KITLG: variants seen among roughly 807,000 people sequenced by gnomAD.
KITLG encodes the protein c-Kit ligand.
In KITLG, 13 loss-of-function variants were observed where a neutral mutation model predicts 34.1. The ratio of observed to expected loss-of-function variants is 0.38; its 90% confidence interval spans 0.25 to 0.61. The LOEUF (loss-of-function observed/expected upper bound fraction) is 0.61. Ranked by LOEUF, KITLG falls within the 20% of genes least tolerant of loss-of-function variation. The probability of loss-of-function intolerance (pLI) is 0.60; values close to 1 mark genes in which losing one functional copy is unlikely to be tolerated. For synonymous variants in KITLG, 110 were observed against 104.0 expected, an observed-to-expected ratio of 1.06 and a Z score of -0.35; for missense variants, 292 against 318.9, an observed-to-expected ratio of 0.92 and a Z score of 0.64.
chr12:88,507,087 C>T lies in KITLG; in HGVS notation c.655G>A (p.Ala219Thr), dbSNP rs1339963077. Residue 219 changes from alanine to threonine, a missense_variant, in exon 7 of 10, where the codon GCA becomes ACA. Ala to Thr is a moderately conservative substitution (Grantham distance 58). Transcript: ENST00000644744. ...ATAAGAGAAAACAATGCTGGCAATGCCATGGCTGCCCAGTGTAGGCTGGAG... is the reference window on the plus strand; with the variant it reads ...ATAAGAGAAAACAATGCTGGCAATGTCATGGCTGCCCAGTGTAGGCTGGAG... ...GDSSLHWAAM[A>T]LPALFSLIIG... 3 of 1,613,832 alleles carry T rather than the reference C, an allele frequency of 1.9e-6. No individual in the cohort carries two copies. The highest frequency in any genetic ancestry group is 8.5e-7 in the Non-Finnish European group (1 of 1,179,782).
At position 88,494,055 on chromosome 12, in the gene KITLG, G is replaced by A. The variant is rs1868512376; in HGVS notation, c.*3164C>T. On this transcript the variant is annotated 3_prime_UTR_variant, in exon 10 of 10. Transcript: ENST00000644744. Reference sequence around the variant, plus strand: ...TTTTGTCTTCTTTGTCGGTCATATTGCAATAGGACTCACCCCTAAGGAGTG... The same window carrying A: ...TTTTGTCTTCTTTGTCGGTCATATTACAATAGGACTCACCCCTAAGGAGTG... 1 of 151,710 alleles carries A rather than the reference G, an allele frequency of 6.6e-6. No homozygotes were observed. The highest frequency in any genetic ancestry group is 1.5e-5 in the Non-Finnish European group (1 of 67,802). 9.4% of individuals were successfully genotyped at this position (151,710 alleles called of 1,614,324 possible). A position where few individuals can be genotyped will look rare whatever the true frequency, so the allele number is the denominator to read the frequency against.
chr12:88,506,388 GAAGA>G lies in KITLG; in HGVS notation c.715-14_715-11del. ...GACTTGGCTGTCTCTTCTGGAAAAA[GAAGA>G]AAGACATATACTGTAAAATAATCAA... is the stretch of plus-strand genomic sequence containing the variant. On this transcript the variant is annotated splice_polypyrimidine_tract_variant and intron_variant, in intron 7 of 9. Transcript: ENST00000644744. 3.2e-6 allele frequency: 5 copies of G among 1,577,268 alleles called. No homozygotes were observed. The Admixed American group carries it at 5.0e-5, about 16-fold the overall frequency.
chr12:88,541,750 G>T (rs1175862499), intron 2 of KITLG, among the ~76,000 whole-genome samples: 1 of 152,080 alleles, frequency 6.6e-6, no homozygotes, highest in African/African-American at 2.4e-5. Context: ...TAGTAAACAG[G>T]CCAGAAGCAT....
Position 88,576,029 on chromosome 12 carries a change from C to G in KITLG, c.15+4235G>C, listed in dbSNP as rs140746949. 1.8e-3 allele frequency among the ~76,000 whole-genome samples: 273 copies of G among 152,244 alleles called. 1 individual carries two copies. The highest frequency in any genetic ancestry group is 6.2e-3 in the African/African-American group (258 of 41,552). On this transcript the variant is annotated intron_variant, in intron 1 of 9. Coordinates refer to ENST00000644744, the MANE Select transcript of KITLG (RefSeq NM_000899.5). ...GTGCGAGAACATTAGGGATGGGAAA[C>G]TAACCAAGTCTCTTTAGTCCAAAAT...
At chr12:88,528,418 G>C (rs1869959186) in intron 3 of KITLG, among the ~76,000 whole-genome samples, 1 of 152,024 alleles carries the variant, frequency 6.6e-6, no homozygotes, top group African/African-American at 2.4e-5. Context: ...GCATCTTTGG[G>C]AGTCATTATT....
Position 88,507,106 on chromosome 12 carries a change from G to T in KITLG, c.636C>A (p.Ser212Arg). ...GCAATGCCATGGCTGCCCAGTGTAG[G>T]CTGGAGTCTCCAGGGGGATTTTTGG... The part of the protein sequence containing the change: ...RKAKNPPGDS[S>R]LHWAAMALPA... The change falls in exon 7 of 10, where the codon AGC (serine) becomes AGA (arginine). Residue 212 changes from serine to arginine, a missense_variant. Ser to Arg is a moderately radical substitution (Grantham distance 110). Transcript: ENST00000644744. 1 of 1,613,454 alleles carries T rather than the reference G, an allele frequency of 6.2e-7. No homozygotes were observed. Among genetic ancestry groups the T allele is most frequent in the Non-Finnish European group, 8.5e-7 (1 of 1,179,446 alleles).
chr12:88,502,108 T>G (rs1039011950), intron 9 of KITLG, among the ~76,000 whole-genome samples: 1 of 152,196 alleles, frequency 6.6e-6, no homozygotes, highest in Non-Finnish European at 1.5e-5. Flanking sequence ...GGTGGAGCTT[T>G]GCAGAGATGA....
intron 4 of KITLG, among the ~76,000 whole-genome samples, chr12:88,518,181 C>T (rs1200867448): frequency 6.6e-6 from 1 of 152,096 alleles, no homozygotes; most frequent in Non-Finnish European, 1.5e-5. Context: ...AGAATTTAAA[C>T]TCCAATATCT....
Position 88,565,232 on chromosome 12 carries a change from T to C in KITLG, c.15+15032A>G, listed in dbSNP as rs1254287739. ...CTAGCTACCTATTAACTAGCACAAA[T>C]TGTTAACAGAATTTTAAAGGAAGCA... On this transcript the variant is annotated intron_variant, in intron 1 of 9. Transcript: ENST00000644744. Among the ~76,000 whole-genome samples, 3 of 152,254 alleles carry C rather than the reference T, an allele frequency of 2.0e-5. No homozygotes were observed. The South Asian group carries it at 6.2e-4, about 32-fold the overall frequency.
chr12:88,551,779 G>A (rs953183521), intron 1 of KITLG, among the ~76,000 whole-genome samples: 1 of 152,066 alleles, frequency 6.6e-6, no homozygotes, highest in African/African-American at 2.4e-5. Flanking sequence ...CCTAATTCTT[G>A]GAACTTGTGA....
intron 9 of KITLG, among the ~76,000 whole-genome samples, chr12:88,503,926 G>C (rs1338381728): frequency 6.6e-6 from 1 of 152,058 alleles, no homozygotes; most frequent in Non-Finnish European, 1.5e-5. Context: ...AAACATTCTG[G>C]TTTTCTCTTG....
In KITLG at chr12:88,527,783, A is replaced by G. The variant is rs73439017; in HGVS notation, c.192+4658T>C. 9.9e-3 allele frequency among the ~76,000 whole-genome samples: 1,505 copies of G among 152,348 alleles called. 23 individuals are homozygous for G. The highest frequency in any genetic ancestry group is 0.035 in the African/African-American group (1,452 of 41,582). On this transcript the variant is annotated intron_variant, in intron 3 of 9. Transcript: ENST00000644744. ...TCTGGATGTGGTTACCTGAGCACAA[A>G]TCATCACTTTCGTAGCATTGTCACT...
chr12:88,518,044 A>G (rs772580843), intron 4 of KITLG, among the ~76,000 whole-genome samples: 26 of 152,184 alleles, frequency 1.7e-4, no homozygotes, highest in Non-Finnish European at 3.4e-4. Context: ...GTAGGGTGTT[A>G]AAGTACTCAT....
chr12:88,495,136 C>A lies in KITLG; in HGVS notation c.*2083G>T, dbSNP rs1868580605. ...GTTTATTTAACTCCATTGATTAAGA[C>A]CATGTCCATGAGTGTTAAAACCCAG... is the stretch of plus-strand genomic sequence containing the variant. On this transcript the variant is annotated 3_prime_UTR_variant, in exon 10 of 10. Coordinates refer to ENST00000644744, the MANE Select transcript of KITLG (RefSeq NM_000899.5). 6.6e-6 allele frequency: 1 copy of A among 151,904 alleles called. No individual in the cohort carries two copies. The highest frequency in any genetic ancestry group is 2.4e-5 in the African/African-American group (1 of 41,406). 9.4% of individuals were successfully genotyped at this position (151,904 alleles called of 1,614,324 possible). A position where few individuals can be genotyped will look rare whatever the true frequency, so the allele number is the denominator to read the frequency against.
chr12:88,513,509 AG>A (rs1268025777), intron 6 of KITLG, among the ~76,000 whole-genome samples: 2 of 151,770 alleles, frequency 1.3e-5, no homozygotes, highest in Admixed American at 6.6e-5. Flanking sequence ...GTGAAGCCCA[AG>A]TGTATGTTGT....
chr12:88,518,949 GT>G, intron 3 of KITLG, 82 bp from the exon 4 acceptor site: 2 of 1,249,456 alleles, frequency 1.6e-6, no homozygotes, highest in Non-Finnish European at 1.1e-6. Flanking sequence ...CAAAGCTATC[GT>G]TTTAGTTACT....
chr12:88,534,880 A>G, intron 2 of KITLG: 1 of 324,486 alleles, frequency 3.1e-6, no homozygotes, highest in East Asian at 1.0e-4. Flanking sequence ...CTAGTGACAA[A>G]GACAGAGCAG....
intron 6 of KITLG, among the ~76,000 whole-genome samples, chr12:88,513,800 C>G (rs963350670): frequency 6.6e-6 from 1 of 151,502 alleles, no homozygotes; most frequent in African/African-American, 2.4e-5. Context: ...GAAAATCAGA[C>G]AAATCCACAA....
intron 1 of KITLG, among the ~76,000 whole-genome samples, chr12:88,565,125 T>A (rs923595263): frequency 6.6e-6 from 1 of 152,228 alleles, no homozygotes; most frequent in Non-Finnish European, 1.5e-5. Context: ...ATTGTCATAT[T>A]TCTGTCTTTC....
Sources: gnomAD v4.1 joint callset for allele counts (sites outside exome capture counted in the v4.1 genomes callset) on GRCh38, gnomAD v4.1.1 for gene constraint, MANE v1.5 for transcripts, NCBI Gene and HGNC (gene_info 2026-07-23, HGNC 2026-07-21) for gene names.